Variants in EBF3 observed in about 807,000 individuals in gnomAD.
The protein encoded by EBF3 is EBF transcription factor 3.
Under a neutral mutation model 77.1 loss-of-function variants are expected in EBF3, and 18 were observed. The ratio of observed to expected loss-of-function variants is 0.23; its 90% CI spans 0.16 to 0.35. The LOEUF (loss-of-function observed/expected upper bound fraction) is 0.35, where lower values mean the gene tolerates loss of function less well. Among genes scored for constraint, EBF3 ranks in the 10% least tolerant of loss-of-function variants. The pLI, the probability that EBF3 is intolerant of heterozygous loss-of-function variation, is 1.00. For missense variants in EBF3, 558 were observed against 860.0 expected, an observed-to-expected ratio of 0.65 and a Z score of 4.39; for synonymous variants, 350 against 343.5, an observed-to-expected ratio of 1.02 and a Z score of -0.21.
intron 6 of EBF3, among the ~76,000 whole-genome samples, chr10:129,905,861 C>T (rs1201067319): frequency 6.6e-6 from 1 of 152,224 alleles, no homozygotes; most frequent in Non-Finnish European, 1.5e-5. Flanking sequence ...TTCATTAATG[C>T]AACGCTCAGG....
chr10:129,959,073 G>A lies in EBF3; in HGVS notation c.412-66C>T, dbSNP rs982917386. 1.1e-5 allele frequency: 17 copies of A among 1,583,894 alleles called. No homozygotes were observed. The South Asian group carries it at 1.6e-4, about 15-fold the overall frequency. ...CGCGGCTTTGGCGCCAAATCGCCCC[G>A]GGCGCTGCAGGCCTGGCTGGCAGCA... On this transcript the variant is annotated intron_variant, in intron 4 of 16. Transcript: ENST00000440978.
At chr10:129,915,449 T>TGC (rs1199737318) in intron 6 of EBF3, among the ~76,000 whole-genome samples, 1 of 142,532 alleles carries the variant, frequency 7.0e-6, no homozygotes, top group Non-Finnish European at 1.5e-5. Context: ...CACCCATGCA[T>TGC]GCGCGCACAC....
At chr10:129,913,709 C>T (rs1002923871) in intron 6 of EBF3, among the ~76,000 whole-genome samples, 13 of 152,354 alleles carry the variant, frequency 8.5e-5, no homozygotes, top group African/African-American at 2.6e-4. Context: ...GTGAGGGGCC[C>T]AGGGGTCTGG....
At chr10:129,840,698 C>T (rs1461567498) in intron 14 of EBF3, 146 bp downstream of exon 14, 9 of 1,227,642 alleles carry the variant, frequency 7.3e-6, no homozygotes, top group Admixed American at 2.7e-5. Flanking sequence ...GGTCAATTTA[C>T]GGTCGCCATT....
At chr10:129,953,830 C>T (rs187415661) in intron 6 of EBF3, among the ~76,000 whole-genome samples, 7 of 152,276 alleles carry the variant, frequency 4.6e-5, no homozygotes, top group Non-Finnish European at 8.8e-5. Context: ...GGAAACAGAC[C>T]GGGATGGCAC....
intron 11 of EBF3, among the ~76,000 whole-genome samples, chr10:129,847,485 G>T (rs899240960): frequency 2.0e-5 from 3 of 152,288 alleles, no homozygotes; most frequent in Non-Finnish European, 4.4e-5. Context: ...TCCGTTGCTA[G>T]CATGTTCACA....
chr10:129,901,697 G>A (rs908972129), intron 6 of EBF3, among the ~76,000 whole-genome samples: 2 of 152,226 alleles, frequency 1.3e-5, no homozygotes, highest in Non-Finnish European at 2.9e-5. Flanking sequence ...GTACTTTTAA[G>A]AGGAGATAAA....
chr10:129,919,267 G>A (rs963489130), intron 6 of EBF3, among the ~76,000 whole-genome samples: 4 of 152,124 alleles, frequency 2.6e-5, no homozygotes, highest in Admixed American at 6.5e-5. Flanking sequence ...CTGGAAGTTG[G>A]GGTTCCAGAT....
intron 6 of EBF3, among the ~76,000 whole-genome samples, chr10:129,880,876 T>A (rs888726507): frequency 6.6e-6 from 1 of 152,212 alleles, no homozygotes; most frequent in Non-Finnish European, 1.5e-5. Flanking sequence ...AGCAGGTGTG[T>A]GACTCTGATA....
chr10:129,933,754 C>T (rs543412105), intron 6 of EBF3, among the ~76,000 whole-genome samples: 8 of 152,338 alleles, frequency 5.3e-5, no homozygotes, highest in Non-Finnish European at 1.5e-5. Context: ...AGGGTCAGAG[C>T]CCACCCAGAG....
intron 10 of EBF3, among the ~76,000 whole-genome samples, chr10:129,855,736 C>T (rs116896962): frequency 2.0e-5 from 3 of 152,290 alleles, no homozygotes; most frequent in South Asian, 2.1e-4. Flanking sequence ...AAGATGTGTG[C>T]GATTGAATGC....
chr10:129,848,312 G>C lies in EBF3; in HGVS notation c.1128+80C>G, dbSNP rs1850618979. On this transcript the variant is annotated intron_variant, in intron 11 of 16. Coordinates refer to ENST00000440978, the MANE Select transcript of EBF3 (RefSeq NM_001375380.1). This position sits in a 1 kb window ranked among gnomAD's most constrained non-coding sequence, Gnocchi z 4.4. ...GGGAATCTGCAATCCCCCCTTCCCA[G>C]AGCACCTGCTGCCCCCAAACCAGAA... 7.1e-7 allele frequency: 1 copy of C among 1,418,254 alleles called. No individual in the cohort carries two copies. Among genetic ancestry groups the C allele is most frequent in the Non-Finnish European group, 1.0e-6 (1 of 1,002,318 alleles). 87.9% of individuals were successfully genotyped at this position (1,418,254 alleles called of 1,614,324 possible).
In EBF3 at chr10:129,841,046, C is replaced by CCCCA. The variant is rs761622344; in HGVS notation, c.1373-15_1373-14insTGGG. On this transcript the variant is annotated splice_polypyrimidine_tract_variant and intron_variant, in intron 13 of 16. Transcript: ENST00000440978. This position sits in a 1 kb window ranked among gnomAD's most constrained non-coding sequence, Gnocchi z 4.6. ...GACTGTAGCCGACTGTTGAAATCCC[C>CCCCA]CCCCCGGCCAAAAATAACATTATTA... 1.3e-4 allele frequency: 204 copies of CCCCA among 1,602,596 alleles called. 8 individuals are homozygous for CCCCA. The Admixed American group carries it at 1.8e-3, about 14-fold the overall frequency.
chr10:129,911,690 G>A (rs1339782983), intron 6 of EBF3, among the ~76,000 whole-genome samples: 2 of 152,162 alleles, frequency 1.3e-5, no homozygotes, highest in African/African-American at 4.8e-5. Flanking sequence ...CTGTCATTCA[G>A]AACCGTGTAT....
intron 6 of EBF3, among the ~76,000 whole-genome samples, chr10:129,903,661 A>T (rs4751143): frequency 1.3e-5 from 2 of 152,100 alleles, no homozygotes; most frequent in South Asian, 4.1e-4. Context: ...CAGAATCAGG[A>T]GTGGGGACAT....
intron 10 of EBF3, among the ~76,000 whole-genome samples, chr10:129,856,434 G>C (rs1268315969): frequency 1.3e-5 from 2 of 152,148 alleles, no homozygotes; most frequent in Non-Finnish European, 2.9e-5. Flanking sequence ...GTTACAACAG[G>C]GATGAGCCTG....
chr10:129,962,327 G>C (rs140890797), intron 3 of EBF3, 101 bp from the exon 4 acceptor site: 13 of 1,025,234 alleles, frequency 1.3e-5, no homozygotes, highest in Middle Eastern at 2.0e-4. Context: ...CTGCTGCCAC[G>C]GTGATGCAGC....
intron 6 of EBF3, among the ~76,000 whole-genome samples, chr10:129,898,749 G>A (rs959527598): frequency 1.3e-5 from 2 of 152,120 alleles, no homozygotes; most frequent in Non-Finnish European, 2.9e-5. Context: ...TATGCTCCCC[G>A]TTCCTCTTGC....
At chr10:129,912,649 T>C (rs1422048823) in intron 6 of EBF3, among the ~76,000 whole-genome samples, 1 of 152,230 alleles carries the variant, frequency 6.6e-6, no homozygotes, top group Non-Finnish European at 1.5e-5. Flanking sequence ...TCCCAACTGA[T>C]TTCACAGTAG....
Sources: gnomAD v4.1 joint callset for allele counts (sites outside exome capture counted in the v4.1 genomes callset) on GRCh38, gnomAD v4.1.1 for gene constraint, Gnocchi (gnomAD v3.1) non-coding constraint, MANE v1.5 for transcripts, NCBI Gene and HGNC (gene_info 2026-07-23, HGNC 2026-07-21) for gene names.